Variants in COA7 observed in about 807,000 individuals in gnomAD.
The protein encoded by COA7 is Sel1 repeat containing 1.
COA7 carries 12 observed loss-of-function variants against 21.0 expected under a neutral mutation model. That is an observed-to-expected ratio of 0.57 (90% CI 0.37 to 0.92). The LOEUF is 0.92. Ranked by LOEUF, COA7 falls within the 40% of genes least tolerant of loss-of-function variation. COA7 has a pLI of 0.01. For missense variants in COA7, 240 were observed against 286.1 expected, an observed-to-expected ratio of 0.84 and a Z score of 1.16; for synonymous variants, 95 against 107.4, an observed-to-expected ratio of 0.88 and a Z score of 0.72.
rs911443508 is a variant in COA7 at position 52,687,646 on chromosome 1, G to T, written c.*74C>A. On this transcript the variant is annotated 3_prime_UTR_variant, in exon 3 of 3. Coordinates refer to ENST00000371538, the MANE Select transcript of COA7 (RefSeq NM_023077.3). ...TTGCTCCAGCAGGTTGACCTTCAAG[G>T]GCTGCATCAGTCTTCAGAAACAGGA... 2 of 1,459,980 alleles carry T rather than the reference G, an allele frequency of 1.4e-6. No individual in the cohort carries two copies. The highest frequency in any genetic ancestry group is 2.6e-5 in the South Asian group (2 of 77,466). The allele number at this position is 1,459,980 out of a possible 1,614,324, so 90.4% of individuals were successfully genotyped here.
At chr1:52,696,420 C>T (rs1315454980) in intron 1 of COA7, among the ~76,000 whole-genome samples, 3 of 152,024 alleles carry the variant, frequency 2.0e-5, no homozygotes, top group Middle Eastern at 3.2e-3. Context: ...GATCTGCCCA[C>T]CTCAGCCTCC....
chr1:52,696,403 C>T (rs1376716008), intron 1 of COA7, among the ~76,000 whole-genome samples: 3 of 152,034 alleles, frequency 2.0e-5, no homozygotes, highest in Non-Finnish European at 1.5e-5. Flanking sequence ...AACTCCTGTC[C>T]TCAGGTGATC....
intron 1 of COA7, among the ~76,000 whole-genome samples, chr1:52,694,935 T>C (rs564941969): frequency 1.4e-4 from 22 of 151,992 alleles, no homozygotes; most frequent in South Asian, 1.2e-3. Flanking sequence ...TCGTGAAACA[T>C]AGGATGGAGT....
intron 2 of COA7, among the ~76,000 whole-genome samples, chr1:52,689,821 C>T (rs1225456998): frequency 6.6e-6 from 1 of 151,884 alleles, no homozygotes; most frequent in Admixed American, 6.6e-5. Flanking sequence ...GTCAGGAGTT[C>T]GAGACCAGCC....
Position 52,687,555 on chromosome 1 carries a change from T to C in COA7, c.*165A>G. On this transcript the variant is annotated 3_prime_UTR_variant, in exon 3 of 3. Transcript: ENST00000371538. ...ATTGACTGAAATAAACATTGTAGGC[T>C]ATACTCCAGTAGCTGGGGCAATGGA... is the stretch of plus-strand genomic sequence containing the variant. 1.6e-6 allele frequency: 1 copy of C among 635,032 alleles called. No homozygotes were observed. Among genetic ancestry groups the C allele is most frequent in the East Asian group, 2.7e-5 (1 of 36,598 alleles). 39.3% of individuals were successfully genotyped at this position (635,032 alleles called of 1,614,324 possible).
chr1:52,697,091 AGAGT>A (rs1644089972), intron 1 of COA7, among the ~76,000 whole-genome samples: 1 of 151,884 alleles, frequency 6.6e-6, no homozygotes, highest in South Asian at 2.1e-4. Context: ...CCTGGGTGAC[AGAGT>A]GAGACTCAGT....
chr1:52,689,015 T>C (rs957608438), intron 2 of COA7, among the ~76,000 whole-genome samples: 11 of 152,180 alleles, frequency 7.2e-5, no homozygotes, highest in African/African-American at 2.4e-4. Context: ...ATATATAAAA[T>C]AGAACAATTA....
chr1:52,687,656 G>A lies in COA7; in HGVS notation c.*64C>T, dbSNP rs1644015212. Reference sequence around the variant, plus strand: ...AGGTTGACCTTCAAGGGCTGCATCAGTCTTCAGAAACAGGAGCTGCCAGCC... The same window carrying A: ...AGGTTGACCTTCAAGGGCTGCATCAATCTTCAGAAACAGGAGCTGCCAGCC... On this transcript the variant is annotated 3_prime_UTR_variant, in exon 3 of 3. Coordinates refer to ENST00000371538, the MANE Select transcript of COA7 (RefSeq NM_023077.3). The A allele has an allele frequency of 2.0e-6, 3 of 1,521,316 alleles. No homozygotes were observed. In the South Asian group the frequency reaches 3.7e-5, roughly 19 times the overall value. 94.2% of individuals were successfully genotyped at this position (1,521,316 alleles called of 1,614,324 possible).
At chr1:52,692,927 T>G in intron 1 of COA7, 60 bp from the exon 2 acceptor site, 1 of 1,598,712 alleles carries the variant, frequency 6.3e-7, no homozygotes, top group African/African-American at 1.3e-5. Context: ...CAGTGGGGAC[T>G]TGGGGGTAGG....
At chr1:52,692,683 C>G (rs1644056212) in intron 2 of COA7, 44 bp downstream of exon 2, 3 of 1,610,800 alleles carry the variant, frequency 1.9e-6, no homozygotes, top group Non-Finnish European at 2.5e-6. Flanking sequence ...GTGAGGCCAG[C>G]ACTGCTATCA....
intron 2 of COA7, among the ~76,000 whole-genome samples, chr1:52,692,501 T>C (rs11205992): frequency 2.6e-5 from 4 of 152,226 alleles, no homozygotes; most frequent in Admixed American, 1.3e-4. Flanking sequence ...GTCGAAGTGA[T>C]TGGCTCAAGG....
At chr1:52,693,651 A>G (rs1644063704) in intron 1 of COA7, among the ~76,000 whole-genome samples, 1 of 151,828 alleles carries the variant, frequency 6.6e-6, no homozygotes, top group African/African-American at 2.4e-5. Context: ...AGGGTGCTGT[A>G]ATGACTATAG....
rs1394443670 is a variant in COA7, at chr1:52,687,927, G to A, written c.489C>T (p.Gly163=). 1.9e-6 allele frequency: 3 copies of A among 1,614,114 alleles called. No individual in the cohort carries two copies. The highest frequency in any genetic ancestry group is 2.2e-5 in the East Asian group (1 of 44,896). ...LSAMFLQGAP[G]FPKDMDLACK... Reference sequence around the variant, plus strand: ...ATGCCAGGTCCATGTCCTTGGGAAAGCCTGGGGCACCCTGCAGGAACATGG... The same window carrying A: ...ATGCCAGGTCCATGTCCTTGGGAAAACCTGGGGCACCCTGCAGGAACATGG... Residue 163 remains glycine (G), a synonymous_variant, in exon 3 of 3, where the codon GGC becomes GGT. Coordinates refer to ENST00000371538, the MANE Select transcript of COA7 (RefSeq NM_023077.3).
intron 1 of COA7, among the ~76,000 whole-genome samples, chr1:52,697,154 GC>G (rs1438273001): frequency 6.6e-6 from 1 of 151,878 alleles, no homozygotes; most frequent in East Asian, 1.9e-4. Flanking sequence ...AGTGGTTCAT[GC>G]CTGTAATCAA....
chr1:52,691,620 C>A (rs951084634), intron 2 of COA7, among the ~76,000 whole-genome samples: 27 of 151,610 alleles, frequency 1.8e-4, no homozygotes, highest in Non-Finnish European at 1.5e-5. Context: ...TACAGGTGCG[C>A]GCCACCACGC....
chr1:52,693,759 C>T (rs2149905215), intron 1 of COA7, among the ~76,000 whole-genome samples: 1 of 152,258 alleles, frequency 6.6e-6, no homozygotes, highest in Middle Eastern at 3.4e-3. Context: ...GGCAGTCTCC[C>T]AGTCCCAGTA....
intron 2 of COA7, among the ~76,000 whole-genome samples, chr1:52,691,533 G>A (rs183515587): frequency 9.0e-4 from 135 of 149,860 alleles, no homozygotes; most frequent in Middle Eastern, 3.4e-3. Flanking sequence ...GTGCAGTGGC[G>A]CGATCTCAGC....
chr1:52,691,464 G>C (rs1457955122), intron 2 of COA7, among the ~76,000 whole-genome samples: 3 of 133,966 alleles, frequency 2.2e-5, no homozygotes, highest in African/African-American at 6.3e-5. Flanking sequence ...ATTTATGTGT[G>C]TGTGTGTTTT....
rs750647884 is a variant in COA7, at chr1:52,687,966, G to A, written c.450C>T (p.Cys150=). The part of the protein sequence containing the change: ...RACDGGYTSS[C]FNLSAMFLQG... ...GCAGGAACATGGCACTGAGGTTGAA[G>A]CAACTGGAAGTATAGCCACCATCAC... Residue 150 remains cysteine (C), a synonymous_variant, in exon 3 of 3, where the codon TGC becomes TGT. Coordinates refer to ENST00000371538, the MANE Select transcript of COA7 (RefSeq NM_023077.3). 9 of 1,614,212 alleles carry A rather than the reference G, an allele frequency of 5.6e-6. No individual in the cohort carries two copies. Among genetic ancestry groups the A allele is most frequent in the Non-Finnish European group, 7.6e-6 (9 of 1,180,046 alleles).
Sources: gnomAD v4.1 joint callset for allele counts (sites outside exome capture counted in the v4.1 genomes callset) on GRCh38, gnomAD v4.1.1 for gene constraint, MANE v1.5 for transcripts, NCBI Gene and HGNC (gene_info 2026-07-23, HGNC 2026-07-21) for gene names.